AXDND1: variants seen among roughly 807,000 people sequenced by gnomAD.
AXDND1 encodes the protein axonemal dynein light chain domain-containing protein 1.
AXDND1 carries 110 observed loss-of-function variants against 137.5 expected under a neutral mutation model. That is an observed-to-expected ratio of 0.80 (90% confidence interval 0.69 to 0.94). The LOEUF (loss-of-function observed/expected upper bound fraction) is 0.94, where lower values mean the gene tolerates loss of function less well. Among genes scored for constraint, AXDND1 ranks in the 40% least tolerant of loss-of-function variants. AXDND1 has a pLI of 0.00. For missense variants in AXDND1, 1,191 were observed against 1,169.8 expected (o/e 1.02, Z -0.26); for synonymous variants, 414 against 399.7 (o/e 1.04, Z -0.43).
At chr1:179,523,234 ATTGTTT>A (rs1184427000) in intron 21 of AXDND1, among the ~76,000 whole-genome samples, 2 of 59,868 alleles carry the variant, frequency 3.3e-5, no homozygotes, top group African/African-American at 5.3e-5. Flanking sequence ...ATTTCATCTG[ATTGTTT>A]TTGTTTTTTT....
At chr1:179,549,247 G>A (rs969590199) in intron 25 of AXDND1, among the ~76,000 whole-genome samples, 4 of 152,150 alleles carry the variant, frequency 2.6e-5, no homozygotes, top group Non-Finnish European at 5.9e-5. Context: ...CACCTAGCCA[G>A]TTTCTGAAGA....
At chr1:179,552,528 G>A in intron 25 of AXDND1, 1 of 1,162,168 alleles carries the variant, frequency 8.6e-7, no homozygotes, top group Non-Finnish European at 1.3e-6. Flanking sequence ...TGGACAGTAA[G>A]GAAGCAAAGG....
intron 17 of AXDND1, among the ~76,000 whole-genome samples, chr1:179,479,458 A>T (rs1437595296): frequency 1.5e-5 from 2 of 134,070 alleles, no homozygotes; most frequent in Non-Finnish European, 3.1e-5. Context: ...CTGAGCAACA[A>T]GAGCGAAACT....
rs1571625618 is a variant in AXDND1 at position 179,395,050 on chromosome 1, T to A, written c.1005-48T>A. On this transcript the variant is annotated intron_variant, in intron 10 of 25. Coordinates refer to ENST00000367618, the MANE Select transcript of AXDND1 (RefSeq NM_144696.6). ...AATCTGATTTTCTTGGTAGAAACTT[T>A]TTGGAAATCTCCAAATATGAATTAA... is the stretch of plus-strand genomic sequence containing the variant. The A allele has an allele frequency of 2.0e-6, 3 of 1,528,204 alleles. No homozygotes were observed. The East Asian group carries it at 6.8e-5, about 35-fold the overall frequency. 94.7% of individuals were successfully genotyped at this position (1,528,204 alleles called of 1,614,324 possible).
chr1:179,543,550 A>G (rs1160804193), intron 25 of AXDND1: 1 of 152,162 alleles, frequency 6.6e-6, no homozygotes, highest in African/African-American at 2.4e-5. Context: ...GGAGCCTGGA[A>G]AGAAAGGGTT....
intron 15 of AXDND1, among the ~76,000 whole-genome samples, chr1:179,438,036 C>T (rs979798968): frequency 6.6e-6 from 1 of 152,068 alleles, no homozygotes; most frequent in Non-Finnish European, 1.5e-5. Flanking sequence ...ACTATAATCC[C>T]AGCTACTCAG....
At chr1:179,404,062 G>A (rs1286002450) in intron 11 of AXDND1, among the ~76,000 whole-genome samples, 1 of 152,158 alleles carries the variant, frequency 6.6e-6, no homozygotes, top group Admixed American at 6.5e-5. Context: ...GTAAGTGTTT[G>A]TGTAAGTTTT....
chr1:179,514,466 G>A (rs1232367686), intron 21 of AXDND1, among the ~76,000 whole-genome samples: 2 of 151,988 alleles, frequency 1.3e-5, no homozygotes, highest in East Asian at 3.9e-4. Context: ...ATTTATTGAG[G>A]CTCATCTAGT....
chr1:179,405,325 T>C (rs1474744359), intron 11 of AXDND1, among the ~76,000 whole-genome samples: 1 of 152,346 alleles, frequency 6.6e-6, no homozygotes, highest in South Asian at 2.1e-4. Flanking sequence ...CTATCATTGA[T>C]GGACATTTGG....
Position 179,540,959 on chromosome 1 carries a change from G to A in AXDND1, c.3031+5997G>A, listed in dbSNP as rs187347212. ...TCCACCTGGTTTGAGCTTCTCAATG[G>A]GTTTGTTTACACTGTGAGCATAAAA... is the stretch of plus-strand genomic sequence containing the variant. On this transcript the variant is annotated intron_variant, in intron 25 of 25. Transcript: ENST00000367618. Among the ~76,000 whole-genome samples the A allele has an allele frequency of 1.5e-3, 230 of 152,190 alleles. 7 individuals carry two copies. In the East Asian group the frequency reaches 0.033, roughly 22 times the overall value.
intron 12 of AXDND1, among the ~76,000 whole-genome samples, chr1:179,428,974 C>T (rs1338875048): frequency 2.6e-5 from 4 of 152,006 alleles, no homozygotes; most frequent in East Asian, 1.9e-4. Context: ...GTCAGGAGAT[C>T]GAGACAATCC....
At chr1:179,473,115 C>A (rs1257012217) in intron 17 of AXDND1, among the ~76,000 whole-genome samples, 2 of 151,948 alleles carry the variant, frequency 1.3e-5, no homozygotes, top group Non-Finnish European at 2.9e-5. Context: ...TGAATGAATA[C>A]TTTCTAATGT....
At chr1:179,442,956 C>A (rs576766721) in intron 15 of AXDND1, among the ~76,000 whole-genome samples, 1 of 151,952 alleles carries the variant, frequency 6.6e-6, no homozygotes, top group African/African-American at 2.4e-5. Context: ...CTTTACACAG[C>A]GCTCCATATG....
At chr1:179,371,772 T>A (rs1484158431) in intron 4 of AXDND1, among the ~76,000 whole-genome samples, 1 of 152,192 alleles carries the variant, frequency 6.6e-6, no homozygotes, top group Non-Finnish European at 1.5e-5. Context: ...CTGACATTGC[T>A]GGCTTTGAAG....
At chr1:179,418,854 C>A (rs1420825774) in intron 12 of AXDND1, among the ~76,000 whole-genome samples, 1 of 151,812 alleles carries the variant, frequency 6.6e-6, no homozygotes, top group African/African-American at 2.4e-5. Context: ...CTCCTCACTT[C>A]TCAGACGGGG....
intron 15 of AXDND1, among the ~76,000 whole-genome samples, chr1:179,441,050 A>G (rs966449917): frequency 1.3e-4 from 20 of 152,174 alleles, no homozygotes; most frequent in Admixed American, 1.0e-3. Flanking sequence ...GAGGGAATCA[A>G]TGTACCTCCG....
Position 179,416,985 on chromosome 1 carries a change from T to C in AXDND1, c.1230+5719T>C, listed in dbSNP as rs144877772. On this transcript the variant is annotated intron_variant, in intron 12 of 25. Transcript: ENST00000367618. ...ATAGAACAGTTCTCCTTTCTCCACA[T>C]CTTTGCAAGCATCTGTATTGCCTGT... is the stretch of plus-strand genomic sequence containing the variant. 1.4e-3 allele frequency among the ~76,000 whole-genome samples: 207 copies of C among 152,318 alleles called. 2 individuals are homozygous for C. The highest frequency in any genetic ancestry group is 4.8e-3 in the African/African-American group (200 of 41,582).
At chr1:179,402,429 G>A (rs562793207) in intron 11 of AXDND1, among the ~76,000 whole-genome samples, 31 of 152,196 alleles carry the variant, frequency 2.0e-4, no homozygotes, top group African/African-American at 7.2e-4. Flanking sequence ...AACTTAAGCT[G>A]TCACCCCCAC....
chr1:179,389,192 C>T (rs543866149), intron 9 of AXDND1, among the ~76,000 whole-genome samples: 176 of 151,818 alleles, frequency 1.2e-3, no homozygotes, highest in South Asian at 2.7e-3. Context: ...AGGCTGGTCT[C>T]GAACTCCTAA....
Sources: allele counts gnomAD v4.1 joint callset (sites outside exome capture counted in the v4.1 genomes callset), GRCh38; gene constraint gnomAD v4.1.1; transcripts MANE v1.5; gene names NCBI Gene and HGNC (gene_info 2026-07-23, HGNC 2026-07-21).